Variants in OPCML observed in about 807,000 individuals in gnomAD.
The protein encoded by OPCML is opioid-binding protein/cell adhesion molecule.
In OPCML, 13 loss-of-function variants were observed where a neutral mutation model predicts 37.8. That is an observed-to-expected ratio of 0.34 (90% CI 0.22 to 0.55). The LOEUF (loss-of-function observed/expected upper bound fraction) is 0.55. Among genes scored for constraint, OPCML ranks in the 20% least tolerant of loss-of-function variants. OPCML has a pLI of 0.91. For missense variants in OPCML, 341 were observed against 435.6 expected (o/e 0.78, Z 1.93); for synonymous variants, 176 against 168.8 (o/e 1.04, Z -0.33).
intron 1 of OPCML, among the ~76,000 whole-genome samples, chr11:133,046,686 G>A (rs535863670): frequency 6.6e-6 from 1 of 152,134 alleles, no homozygotes; most frequent in Non-Finnish European, 1.5e-5. Flanking sequence ...CCCATACTGT[G>A]GTTCACTTGT....
chr11:132,581,464 C>A (rs2096461875), intron 3 of OPCML, among the ~76,000 whole-genome samples: 1 of 152,290 alleles, frequency 6.6e-6, no homozygotes, highest in Non-Finnish European at 1.5e-5. Context: ...GGATGGGAGT[C>A]TCCCAGGAAA....
chr11:132,959,597 G>A (rs913680866), intron 1 of OPCML, among the ~76,000 whole-genome samples: 6 of 151,916 alleles, frequency 3.9e-5, no homozygotes, highest in African/African-American at 1.4e-4. Context: ...GGAAAAGAAA[G>A]TGGAATGCAG....
At chr11:132,861,059 T>G (rs189107679) in intron 2 of OPCML, among the ~76,000 whole-genome samples, 1 of 152,368 alleles carries the variant, frequency 6.6e-6, no homozygotes, top group East Asian at 1.9e-4. Context: ...CTGTATCTCA[T>G]TTAATCCCAC....
At chr11:133,237,198 G>A (rs550601141) in intron 1 of OPCML, among the ~76,000 whole-genome samples, 47 of 152,272 alleles carry the variant, frequency 3.1e-4, no homozygotes, top group South Asian at 2.1e-4. Flanking sequence ...GTGAGTTAAC[G>A]TGAAGGAATT....
At chr11:132,491,202 C>T (rs1054504556) in intron 4 of OPCML, among the ~76,000 whole-genome samples, 15 of 152,366 alleles carry the variant, frequency 9.8e-5, no homozygotes, top group Middle Eastern at 3.4e-3. Context: ...GTGCTCATCA[C>T]GGGCCCTGGA....
chr11:133,498,817 G>C (rs1019209960), intron 1 of OPCML, among the ~76,000 whole-genome samples: 5 of 152,210 alleles, frequency 3.3e-5, no homozygotes, highest in African/African-American at 1.2e-4. Flanking sequence ...CAGGCCAGAG[G>C]AGTGATCTGT....
At chr11:132,548,698 G>A (rs2096374532) in intron 3 of OPCML, among the ~76,000 whole-genome samples, 1 of 152,146 alleles carries the variant, frequency 6.6e-6, no homozygotes, top group Non-Finnish European at 1.5e-5. Context: ...CAAAAACCAA[G>A]TGAACTACTT....
intron 2 of OPCML, among the ~76,000 whole-genome samples, chr11:132,779,572 A>G (rs1946926707): frequency 6.6e-6 from 1 of 151,622 alleles, no homozygotes; most frequent in Non-Finnish European, 1.5e-5. Flanking sequence ...GCGTGGGGAG[A>G]GAGAGAGAGA....
intron 2 of OPCML, among the ~76,000 whole-genome samples, chr11:132,915,867 A>G (rs1300451312): frequency 6.6e-6 from 1 of 152,174 alleles, no homozygotes; most frequent in Non-Finnish European, 1.5e-5. Context: ...TCTAGATATT[A>G]ATGCTATAAA....
At chr11:132,708,962 T>C (rs1944148993) in intron 2 of OPCML, among the ~76,000 whole-genome samples, 2 of 152,172 alleles carry the variant, frequency 1.3e-5, no homozygotes, top group African/African-American at 4.8e-5. Flanking sequence ...TTGTCTCAAG[T>C]TTTTTATTTT....
chr11:133,165,424 G>A (rs1236883914), intron 1 of OPCML, among the ~76,000 whole-genome samples: 1 of 152,078 alleles, frequency 6.6e-6, no homozygotes, highest in Non-Finnish European at 1.5e-5. Flanking sequence ...CCCTGGCCAG[G>A]GACCCTTGTT....
chr11:133,220,222 G>C (rs1312650632), intron 1 of OPCML, among the ~76,000 whole-genome samples: 2 of 152,176 alleles, frequency 1.3e-5, no homozygotes, highest in Non-Finnish European at 2.9e-5. Flanking sequence ...GGTCCTAGTA[G>C]AGTGCTGCCA....
intron 1 of OPCML, among the ~76,000 whole-genome samples, chr11:133,482,623 G>T (rs1947402986): frequency 6.6e-6 from 1 of 152,054 alleles, no homozygotes; most frequent in African/African-American, 2.4e-5. Flanking sequence ...AGCCTGTTCT[G>T]TCACCACTGA....
intron 1 of OPCML, among the ~76,000 whole-genome samples, chr11:133,481,409 C>T (rs1947367364): frequency 6.6e-6 from 1 of 151,888 alleles, no homozygotes; most frequent in African/African-American, 2.4e-5. Context: ...GCCCAAGTCT[C>T]TGCCATTGTA....
intron 1 of OPCML, among the ~76,000 whole-genome samples, chr11:133,526,047 G>T (rs1345531543): frequency 3.3e-5 from 5 of 152,218 alleles, no homozygotes; most frequent in African/African-American, 1.2e-4. Context: ...GTGACTGCAG[G>T]ATGGTCCCCA....
chr11:133,036,013 T>A lies in OPCML; in HGVS notation c.62-93003A>T, dbSNP rs138502654. Among the ~76,000 whole-genome samples, 232 of 152,334 alleles carry A rather than the reference T, an allele frequency of 1.5e-3. 2 individuals carry two copies. The highest frequency in any genetic ancestry group is 5.2e-3 in the African/African-American group (215 of 41,576). On this transcript the variant is annotated intron_variant, in intron 1 of 7. Transcript: ENST00000524381. ...GAATATCTAATGTTTAAGCCACTCA[T>A]CCTGTATTACTTTGTTAAGGCAGCC... is the stretch of plus-strand genomic sequence containing the variant.
intron 1 of OPCML, among the ~76,000 whole-genome samples, chr11:132,948,800 CAT>C (rs1270126200): frequency 6.6e-6 from 1 of 152,160 alleles, no homozygotes; most frequent in African/African-American, 2.4e-5. Context: ...CCCATTTTCA[CAT>C]GATAACGATT....
At chr11:133,185,881 G>A (rs576170218) in intron 1 of OPCML, among the ~76,000 whole-genome samples, 1 of 152,156 alleles carries the variant, frequency 6.6e-6, no homozygotes, top group Admixed American at 6.5e-5. Flanking sequence ...AAAAGCATGA[G>A]GTATGATGAT....
chr11:132,724,438 G>C (rs922811948), intron 2 of OPCML, among the ~76,000 whole-genome samples: 10 of 152,084 alleles, frequency 6.6e-5, no homozygotes, highest in African/African-American at 2.2e-4. Context: ...GCATGGGAAA[G>C]ACCTGCCCCC....
Sources: allele counts gnomAD v4.1 joint callset (sites outside exome capture counted in the v4.1 genomes callset), GRCh38; gene constraint gnomAD v4.1.1; transcripts MANE v1.5; gene names NCBI Gene and HGNC (gene_info 2026-07-23, HGNC 2026-07-21).